The following ARL8B variants were observed in gnomAD, a reference collection of about 807,000 sequenced individuals.
The protein encoded by ARL8B is ADP-ribosylation factor-like protein 8B.
In ARL8B, 9 loss-of-function variants were observed where a neutral mutation model predicts 30.6. The observed-to-expected ratio is 0.29, with a 90% confidence interval of 0.18 to 0.51. The LOEUF (loss-of-function observed/expected upper bound fraction) is 0.51. Among genes scored for constraint, ARL8B ranks in the 20% least tolerant of loss-of-function variants. ARL8B has a pLI of 0.97. For missense variants in ARL8B, 130 were observed against 227.2 expected, an observed-to-expected ratio of 0.57 and a Z score of 2.75; for synonymous variants, 74 against 76.0, an observed-to-expected ratio of 0.97 and a Z score of 0.14.
intron 6 of ARL8B, among the ~76,000 whole-genome samples, chr3:5,174,968 A>G (rs2054716026): frequency 6.6e-6 from 1 of 151,680 alleles, no homozygotes; most frequent in African/African-American, 2.4e-5. Flanking sequence ...ACGCCCGGCT[A>G]ATTTTTGTAT....
rs544690322 is a variant in ARL8B at position 5,158,211 on chromosome 3, T to C, written c.124-12292T>C. On this transcript the variant is annotated intron_variant, in intron 1 of 6. Transcript: ENST00000256496. ...GTTGGCCAGGCTGGTCTTGAAATTA[T>C]GACCTCAAGTAATCTTCCCACCTTG... is the stretch of plus-strand genomic sequence containing the variant. Among the ~76,000 whole-genome samples, 22 of 152,332 alleles carry C rather than the reference T, an allele frequency of 1.4e-4. No homozygotes were observed. In the Middle Eastern group the frequency reaches 0.01, roughly 71 times the overall value.
chr3:5,143,593 G>T (rs2054394265), intron 1 of ARL8B, among the ~76,000 whole-genome samples: 1 of 152,200 alleles, frequency 6.6e-6, no homozygotes, highest in African/African-American at 2.4e-5. Context: ...TGAGTACAGT[G>T]AGTCCACCCC....
chr3:5,122,785 A>T (rs772977136), intron 1 of ARL8B, among the ~76,000 whole-genome samples, 197 bp downstream of exon 1: 2 of 152,214 alleles, frequency 1.3e-5, no homozygotes, highest in Non-Finnish European at 2.9e-5. Context: ...TAGCACTGAG[A>T]TCGGCAGCGG....
At chr3:5,172,261 A>G (rs1379895527) in intron 3 of ARL8B, 38 bp downstream of exon 3, 4 of 1,539,044 alleles carry the variant, frequency 2.6e-6, no homozygotes, top group Non-Finnish European at 3.6e-6. Context: ...TTTTAAATCA[A>G]TGTAGGCATC....
chr3:5,160,701 A>T (rs138555009), intron 1 of ARL8B, among the ~76,000 whole-genome samples: 15 of 152,358 alleles, frequency 9.8e-5, no homozygotes, highest in African/African-American at 3.1e-4. Context: ...TAGATGTGAT[A>T]TGACCAGTTG....
At chr3:5,176,982 A>G (rs568187366) in intron 6 of ARL8B, among the ~76,000 whole-genome samples, 42 of 152,240 alleles carry the variant, frequency 2.8e-4, no homozygotes, top group Admixed American at 2.6e-4. Flanking sequence ...ATTATCCAGC[A>G]TAAAATGTCA....
intron 6 of ARL8B, among the ~76,000 whole-genome samples, chr3:5,177,399 T>G (rs1223922290): frequency 2.0e-5 from 3 of 152,232 alleles, no homozygotes; most frequent in African/African-American, 7.2e-5. Flanking sequence ...TCCATTTGTC[T>G]TTAGGATATG....
At chr3:5,170,631 C>G (rs765736405) in intron 2 of ARL8B, 48 bp downstream of exon 2, 1 of 1,405,848 alleles carries the variant, frequency 7.1e-7, no homozygotes, top group Admixed American at 2.0e-5. Context: ...GCACAGACCC[C>G]TAGAAATTTT....
intron 1 of ARL8B, among the ~76,000 whole-genome samples, chr3:5,144,003 T>C (rs79046667): frequency 5.9e-5 from 9 of 152,176 alleles, no homozygotes; most frequent in African/African-American, 9.7e-5. Context: ...TTTGGTGATA[T>C]GCTTTTTGAG....
At chr3:5,135,718 A>C (rs1368034504) in intron 1 of ARL8B, among the ~76,000 whole-genome samples, 1 of 150,472 alleles carries the variant, frequency 6.6e-6, no homozygotes, top group East Asian at 2.0e-4. Flanking sequence ...CGGCCTCCTA[A>C]AGTGCTAGGA....
chr3:5,161,413 A>T (rs188338799), intron 1 of ARL8B, among the ~76,000 whole-genome samples: 1 of 152,316 alleles, frequency 6.6e-6, no homozygotes, highest in Admixed American at 6.5e-5. Flanking sequence ...TCAGAGAGGC[A>T]ATGTTTGAGT....
rs1412339617 is a variant in ARL8B, at chr3:5,126,151, A to G, written c.123+3563A>G. Among the ~76,000 whole-genome samples the G allele has an allele frequency of 3.3e-5, 5 of 152,056 alleles. No homozygotes were observed. In the South Asian group the frequency reaches 8.3e-4, roughly 25 times the overall value. On this transcript the variant is annotated intron_variant, in intron 1 of 6. Coordinates refer to ENST00000256496, the MANE Select transcript of ARL8B (RefSeq NM_018184.3). The stretch of plus-strand genomic sequence containing the variant: ...TTTTTTAACCTCAAGGCTCTAACCT[A>G]ACCCCTGATTCTTATAGAATATGTT...
intron 1 of ARL8B, among the ~76,000 whole-genome samples, chr3:5,143,062 T>G (rs1193204400): frequency 6.6e-6 from 1 of 152,208 alleles, no homozygotes; most frequent in Non-Finnish European, 1.5e-5. Flanking sequence ...CTGTATCTGG[T>G]TCAGGGCAAA....
intron 1 of ARL8B, among the ~76,000 whole-genome samples, chr3:5,168,247 T>C (rs748657447): frequency 5.3e-5 from 8 of 152,206 alleles, no homozygotes; most frequent in Non-Finnish European, 7.3e-5. Flanking sequence ...CTAATTTTTG[T>C]ATTTGTAGAG....
chr3:5,143,248 C>T (rs192682315), intron 1 of ARL8B, among the ~76,000 whole-genome samples: 16 of 152,282 alleles, frequency 1.1e-4, no homozygotes, highest in Non-Finnish European at 1.3e-4. Flanking sequence ...CTGCTCTTTG[C>T]GTAGTAGGCC....
At chr3:5,124,490 G>T (rs1490287273) in intron 1 of ARL8B, among the ~76,000 whole-genome samples, 1 of 151,868 alleles carries the variant, frequency 6.6e-6, no homozygotes, top group East Asian at 1.9e-4. Context: ...TTTGGAGACA[G>T]GGTCTTGAGC....
chr3:5,143,865 C>T (rs958247295), intron 1 of ARL8B, among the ~76,000 whole-genome samples: 2 of 152,226 alleles, frequency 1.3e-5, no homozygotes, highest in East Asian at 3.8e-4. Context: ...TGTAGCTCTG[C>T]CCAAATATGG....
intron 1 of ARL8B, among the ~76,000 whole-genome samples, chr3:5,169,305 T>TTGTGTGTGTG (rs10575722): frequency 1.8e-4 from 26 of 142,886 alleles, no homozygotes; most frequent in African/African-American, 5.7e-4. Context: ...AATACAGTGT[T>TTGTGTGTGTG]TGTGTGTGTG....
At chr3:5,141,974 A>G (rs1370544464) in intron 1 of ARL8B, among the ~76,000 whole-genome samples, 1 of 152,290 alleles carries the variant, frequency 6.6e-6, no homozygotes, top group East Asian at 1.9e-4. Flanking sequence ...CCTTAAATTT[A>G]TTCGGCACTC....
Sources: gnomAD v4.1 joint callset for allele counts (sites outside exome capture counted in the v4.1 genomes callset) on GRCh38, gnomAD v4.1.1 for gene constraint, MANE v1.5 for transcripts, NCBI Gene and HGNC (gene_info 2026-07-23, HGNC 2026-07-21) for gene names.